The following GTF2F2 variants were observed in gnomAD, a reference collection of about 807,000 sequenced individuals.
GTF2F2 encodes ATP-dependent helicase GTF2F2.
A neutral mutation model predicts 42.2 loss-of-function variants in GTF2F2; 23 were observed. The ratio of observed to expected loss-of-function variants is 0.55; its 90% CI spans 0.39 to 0.77. The LOEUF (loss-of-function observed/expected upper bound fraction) is 0.77. Among genes scored for constraint, GTF2F2 ranks in the 30% least tolerant of loss-of-function variants. The probability of loss-of-function intolerance (pLI) is 0.00; values close to 1 mark genes in which losing one functional copy is unlikely to be tolerated. For missense variants in GTF2F2, 261 were observed against 287.2 expected (o/e 0.91, Z 0.66); for synonymous variants, 105 against 100.8 (o/e 1.04, Z -0.25).
chr13:45,245,995 T>TAA (rs1875586117), intron 5 of GTF2F2, among the ~76,000 whole-genome samples: 1 of 62,224 alleles, frequency 1.6e-5, no homozygotes, highest in Non-Finnish European at 2.9e-5. Flanking sequence ...ACATCTATTA[T>TAA]TTATTTATTT....
At chr13:45,270,312 A>G (rs1324516142) in intron 7 of GTF2F2, among the ~76,000 whole-genome samples, 2 of 152,142 alleles carry the variant, frequency 1.3e-5, no homozygotes, top group Non-Finnish European at 2.9e-5. Context: ...ATTTAAAGAT[A>G]TATTATCTTA....
chr13:45,125,225 A>G (rs1868916696), intron 1 of GTF2F2, among the ~76,000 whole-genome samples: 1 of 152,242 alleles, frequency 6.6e-6, no homozygotes, highest in African/African-American at 2.4e-5. Context: ...TATCTTGCCT[A>G]AGCATGGAAA....
chr13:45,145,663 C>T (rs1031568313), intron 2 of GTF2F2, among the ~76,000 whole-genome samples: 3 of 152,252 alleles, frequency 2.0e-5, no homozygotes, highest in Admixed American at 6.5e-5. Context: ...GCTTCTTTTC[C>T]AAAAGTGAGA....
At chr13:45,152,041 G>A (rs769795123) in intron 4 of GTF2F2, among the ~76,000 whole-genome samples, 1 of 146,692 alleles carries the variant, frequency 6.8e-6, no homozygotes, top group African/African-American at 2.5e-5. Context: ...TCAGCCCCCC[G>A]AGTAGCTGGG....
rs375261432 is a variant in GTF2F2 at position 45,136,798 on chromosome 13, G to T, written c.132G>T (p.Arg44=). 2.6e-6 allele frequency: 4 copies of T among 1,566,520 alleles called. No homozygotes were observed. The highest frequency in any genetic ancestry group is 1.1e-5 in the South Asian group (1 of 89,602). ...GAAGAGGTGAAGTTGGGAAACTGCG[G>T]ATTGCCAAGTAAGTTATTTACATAT... The part of the protein sequence containing the change: ...ASGRGEVGKL[R]IAKTQGRTEV... Residue 44 remains arginine, a synonymous_variant, in exon 2 of 8, where the codon CGG becomes CGT. Coordinates refer to ENST00000340473, the MANE Select transcript of GTF2F2 (RefSeq NM_004128.3).
At chr13:45,247,871 A>G (rs1415392294) in intron 5 of GTF2F2, among the ~76,000 whole-genome samples, 1 of 151,118 alleles carries the variant, frequency 6.6e-6, no homozygotes, top group African/African-American at 2.4e-5. Context: ...TTGAGATGGA[A>G]TCTCGCTCTG....
chr13:45,178,059 G>A (rs1187876352), intron 4 of GTF2F2, among the ~76,000 whole-genome samples: 1 of 152,036 alleles, frequency 6.6e-6, no homozygotes, highest in African/African-American at 2.4e-5. Context: ...TGTGTCTGTT[G>A]ATTGCTGTCT....
intron 4 of GTF2F2, among the ~76,000 whole-genome samples, chr13:45,157,815 G>T (rs190036129): frequency 6.6e-6 from 1 of 152,038 alleles, no homozygotes; most frequent in East Asian, 1.9e-4. Flanking sequence ...ACTCCTGCGT[G>T]CAAAGCTGTC....
At chr13:45,266,199 G>A (rs946422400) in intron 6 of GTF2F2, among the ~76,000 whole-genome samples, 1 of 151,930 alleles carries the variant, frequency 6.6e-6, no homozygotes, top group Non-Finnish European at 1.5e-5. Flanking sequence ...ATTTTTATTT[G>A]GATAGTAGAT....
intron 5 of GTF2F2, among the ~76,000 whole-genome samples, chr13:45,241,373 C>G (rs1212352757): frequency 6.6e-6 from 1 of 152,002 alleles, no homozygotes; most frequent in African/African-American, 2.4e-5. Flanking sequence ...TTCTACTGCA[C>G]TGGACAGGCC....
chr13:45,181,183 AACAAAC>A (rs1444111965), intron 4 of GTF2F2, among the ~76,000 whole-genome samples: 17 of 131,740 alleles, frequency 1.3e-4, no homozygotes, highest in African/African-American at 5.1e-4. Flanking sequence ...CAAAAAAACA[AACAAAC>A]AAAAAAAAAA....
At chr13:45,250,586 G>C (rs1875838058) in intron 5 of GTF2F2, among the ~76,000 whole-genome samples, 1 of 152,124 alleles carries the variant, frequency 6.6e-6, no homozygotes, top group Non-Finnish European at 1.5e-5. Flanking sequence ...TGGGTACCCA[G>C]TAAACACTTG....
Position 45,185,581 on chromosome 13 carries a change from T to G in GTF2F2, c.305-21843T>G, listed in dbSNP as rs1218555120. On this transcript the variant is annotated intron_variant, in intron 4 of 7. Transcript: ENST00000340473. Reference sequence around the variant, plus strand: ...ATGGTGAATATACCCAGTAACAATGTATTATATACTTTTAAGTGTTCTTAC... The same window carrying G: ...ATGGTGAATATACCCAGTAACAATGGATTATATACTTTTAAGTGTTCTTAC... 2.6e-5 allele frequency among the ~76,000 whole-genome samples: 4 copies of G among 152,226 alleles called. No homozygotes were observed. The East Asian group carries it at 5.8e-4, about 22-fold the overall frequency.
chr13:45,157,214 G>T (rs1870805507), intron 4 of GTF2F2, among the ~76,000 whole-genome samples: 1 of 152,186 alleles, frequency 6.6e-6, no homozygotes, highest in Non-Finnish European at 1.5e-5. Context: ...AACAAGACTG[G>T]CATGTTCACG....
At chr13:45,166,207 T>C (rs895613638) in intron 4 of GTF2F2, among the ~76,000 whole-genome samples, 6 of 152,184 alleles carry the variant, frequency 3.9e-5, no homozygotes, top group African/African-American at 1.4e-4. Flanking sequence ...TTCCAAAATA[T>C]CATGGTAGAT....
intron 4 of GTF2F2, among the ~76,000 whole-genome samples, chr13:45,172,077 T>G (rs948511675): frequency 1.3e-5 from 2 of 152,208 alleles, no homozygotes; most frequent in African/African-American, 2.4e-5. Flanking sequence ...TACAAGTTTT[T>G]GTGGGAACTT....
At chr13:45,243,888 T>C (rs1475420188) in intron 5 of GTF2F2, among the ~76,000 whole-genome samples, 2 of 152,230 alleles carry the variant, frequency 1.3e-5, no homozygotes, top group East Asian at 3.8e-4. Flanking sequence ...CTCAAACTCC[T>C]GACCTCAAGT....
intron 1 of GTF2F2, chr13:45,123,476 A>G (rs1169732256): frequency 1.3e-5 from 2 of 152,218 alleles, no homozygotes; most frequent in South Asian, 2.1e-4. Context: ...AAAACTATAA[A>G]AAGTTAGCTG....
chr13:45,227,291 A>G (rs1874407802), intron 5 of GTF2F2, among the ~76,000 whole-genome samples: 1 of 152,160 alleles, frequency 6.6e-6, no homozygotes, highest in Non-Finnish European at 1.5e-5. Flanking sequence ...ATAGATATAT[A>G]TTTTCATATT....
Sources: gnomAD v4.1 joint callset for allele counts (sites outside exome capture counted in the v4.1 genomes callset) on GRCh38, gnomAD v4.1.1 for gene constraint, MANE v1.5 for transcripts, NCBI Gene and HGNC (gene_info 2026-07-23, HGNC 2026-07-21) for gene names.